The following CNTLN variants were observed in gnomAD, a reference collection of about 807,000 sequenced individuals.
CNTLN encodes centlein, centrosomal protein.
In CNTLN, 212 loss-of-function variants were observed where a neutral mutation model predicts 180.0. That is an observed-to-expected ratio of 1.18 (90% CI 1.05 to 1.32). The LOEUF is 1.32. Ranked by LOEUF, CNTLN falls within the 40% of genes most tolerant of loss-of-function variation. CNTLN has a pLI of 0.00. For synonymous variants in CNTLN, 722 were observed against 563.1 expected, an observed-to-expected ratio of 1.28 and a Z score of -3.99; for missense variants, 2,095 against 1,610.9, an observed-to-expected ratio of 1.30 and a Z score of -5.14.
intron 2 of CNTLN, among the ~76,000 whole-genome samples, chr9:17,150,750 A>G (rs142604245): frequency 0.02 from 3,035 of 152,198 alleles, 66 homozygotes; most frequent in African/African-American, 0.053. Flanking sequence ...CAGTATGGCC[A>G]TTTTCACGAT....
At chr9:17,204,620 A>T (rs989080951) in intron 2 of CNTLN, among the ~76,000 whole-genome samples, 1 of 152,094 alleles carries the variant, frequency 6.6e-6, no homozygotes, top group Non-Finnish European at 1.5e-5. Context: ...CCATGTTGGG[A>T]GGTTTCTCCC....
At chr9:17,254,187 A>G (rs553657689) in intron 5 of CNTLN, among the ~76,000 whole-genome samples, 5 of 151,640 alleles carry the variant, frequency 3.3e-5, no homozygotes, top group Non-Finnish European at 7.4e-5. Context: ...GGCCACTTGT[A>G]TATCATCTTT....
At chr9:17,436,631 A>C (rs982662517) in intron 18 of CNTLN, among the ~76,000 whole-genome samples, 2 of 152,206 alleles carry the variant, frequency 1.3e-5, no homozygotes, top group African/African-American at 4.8e-5. Flanking sequence ...CTTCATTTTA[A>C]AAATTTCTGT....
chr9:17,214,505 A>T (rs1334029381), intron 2 of CNTLN, among the ~76,000 whole-genome samples: 2 of 152,072 alleles, frequency 1.3e-5, no homozygotes, highest in African/African-American at 4.8e-5. Context: ...CGTCATTTCA[A>T]CTTTGGTGAA....
At chr9:17,239,371 C>T (rs1197378081) in intron 5 of CNTLN, among the ~76,000 whole-genome samples, 3 of 152,132 alleles carry the variant, frequency 2.0e-5, no homozygotes, top group Non-Finnish European at 1.5e-5. Context: ...ACTGGATCCA[C>T]GTTCTTTATC....
intron 5 of CNTLN, among the ~76,000 whole-genome samples, chr9:17,265,975 T>C (rs913957667): frequency 1.1e-4 from 17 of 152,228 alleles, no homozygotes; most frequent in South Asian, 2.1e-4. Flanking sequence ...TTTGTTGATC[T>C]TTTCAAAAAA....
At chr9:17,443,448 A>G (rs1277188712) in intron 18 of CNTLN, among the ~76,000 whole-genome samples, 2 of 152,204 alleles carry the variant, frequency 1.3e-5, no homozygotes, top group African/African-American at 4.8e-5. Context: ...TTACAATTTC[A>G]GGGATTGTTA....
At position 17,194,188 on chromosome 9, in the gene CNTLN, C is replaced by A. The variant is rs1001535249; in HGVS notation, c.450-32015C>A. Among the ~76,000 whole-genome samples the A allele has an allele frequency of 3.3e-5, 5 of 152,342 alleles. 1 individual carries two copies. Among genetic ancestry groups the A allele is most frequent in the African/African-American group, 1.2e-4 (5 of 41,570 alleles). ...TGACATGCCCTGGAGACATTTTCCC[C>A]ATTGTCTTAGGGATTAACATTCAGC... is the stretch of plus-strand genomic sequence containing the variant. On this transcript the variant is annotated intron_variant, in intron 2 of 25. Coordinates refer to ENST00000380647, the MANE Select transcript of CNTLN (RefSeq NM_017738.4).
intron 5 of CNTLN, among the ~76,000 whole-genome samples, chr9:17,263,874 A>G (rs1478559756): frequency 5.7e-5 from 8 of 139,172 alleles, no homozygotes; most frequent in African/African-American, 2.3e-4. Context: ...TCCTTCGCCC[A>G]CTTTTTGATG....
chr9:17,464,750 A>G (rs1234568883), intron 21 of CNTLN, 127 bp downstream of exon 21: 1 of 547,856 alleles, frequency 1.8e-6, no homozygotes, highest in Non-Finnish European at 3.0e-6. Flanking sequence ...ACTGTTACAA[A>G]GTAACACTCT....
chr9:17,281,493 T>A (rs555787322), intron 6 of CNTLN, among the ~76,000 whole-genome samples: 20 of 152,194 alleles, frequency 1.3e-4, no homozygotes, highest in African/African-American at 4.8e-4. Flanking sequence ...TTCCCCTACC[T>A]GTATCCGTGT....
At chr9:17,164,018 GA>G (rs562439675) in intron 2 of CNTLN, among the ~76,000 whole-genome samples, 15 of 137,494 alleles carry the variant, frequency 1.1e-4, no homozygotes, top group Admixed American at 6.6e-4. Flanking sequence ...GACTCTGCCT[GA>G]AAAAAAAAAT....
chr9:17,184,255 T>G (rs1051655121), intron 2 of CNTLN, among the ~76,000 whole-genome samples: 2 of 152,148 alleles, frequency 1.3e-5, no homozygotes, highest in African/African-American at 4.8e-5. Context: ...TATATATGTA[T>G]AAAAAATTCT....
chr9:17,224,720 G>A (rs980713292), intron 2 of CNTLN, among the ~76,000 whole-genome samples: 1 of 151,882 alleles, frequency 6.6e-6, no homozygotes, highest in African/African-American at 2.4e-5. Context: ...CTACCTGATT[G>A]TGTTTCATCT....
chr9:17,371,126 T>C lies in CNTLN; in HGVS notation c.1987+4409T>C, dbSNP rs191853294. On this transcript the variant is annotated intron_variant, in intron 13 of 25. Coordinates refer to ENST00000380647, the MANE Select transcript of CNTLN (RefSeq NM_017738.4). ...AATGGTAGGAGTAAGTTCTTACTTA[T>C]TGGTAATCACATTGAATGTGAATGG... Among the ~76,000 whole-genome samples, 38 of 152,266 alleles carry C rather than the reference T, an allele frequency of 2.5e-4. 1 individual carries two copies. In the East Asian group the frequency reaches 6.2e-3, roughly 25 times the overall value.
chr9:17,228,362 A>G (rs1824606431), intron 3 of CNTLN, among the ~76,000 whole-genome samples: 1 of 152,046 alleles, frequency 6.6e-6, no homozygotes, highest in Non-Finnish European at 1.5e-5. Flanking sequence ...TCATAATAGA[A>G]ATTATTTGCT....
chr9:17,514,137 A>G, the CNTLN span, among the ~76,000 whole-genome samples: 2 of 113,608 alleles, frequency 1.8e-5, no homozygotes, highest in African/African-American at 7.0e-5. Context: ...GTGAGACCCC[A>G]TTTCTGCAAA....
the CNTLN span, among the ~76,000 whole-genome samples, chr9:17,510,793 A>ATTGC: frequency 6.6e-6 from 1 of 152,224 alleles, no homozygotes; most frequent in African/African-American, 2.4e-5. Flanking sequence ...GAGAACCCTA[A>ATTGC]TACACCAAGT....
chr9:17,441,979 A>G (rs373296501), intron 18 of CNTLN, among the ~76,000 whole-genome samples: 4 of 152,242 alleles, frequency 2.6e-5, no homozygotes, highest in Non-Finnish European at 4.4e-5. Flanking sequence ...CACCAAGAAG[A>G]TAAAACAGTT....
Sources: allele counts gnomAD v4.1 joint callset (sites outside exome capture counted in the v4.1 genomes callset), GRCh38; gene constraint gnomAD v4.1.1; transcripts MANE v1.5; gene names NCBI Gene and HGNC (gene_info 2026-07-23, HGNC 2026-07-21).